Variants in PRKCB observed in about 807,000 individuals in gnomAD.
PRKCB encodes the protein protein kinase C beta type.
Under a neutral mutation model 81.5 loss-of-function variants are expected in PRKCB, and 13 were observed. That is an observed-to-expected ratio of 0.16 (90% CI 0.10 to 0.25). PRKCB has a LOEUF of 0.25. Among genes scored for constraint, PRKCB ranks in the 10% least tolerant of loss-of-function variants. PRKCB has a pLI of 1.00. For missense variants in PRKCB, 509 were observed against 875.7 expected, an observed-to-expected ratio of 0.58 and a Z score of 5.29; for synonymous variants, 335 against 321.4, an observed-to-expected ratio of 1.04 and a Z score of -0.45.
intron 2 of PRKCB, among the ~76,000 whole-genome samples, chr16:23,884,888 C>A (rs9302418): frequency 0.97 from 146,941 of 152,016 alleles, 71,052 homozygotes; most frequent in East Asian, 1. Context: ...TTGGTTCATG[C>A]GATCATTTAG....
At chr16:24,002,240 C>T (rs564082353) in intron 3 of PRKCB, among the ~76,000 whole-genome samples, 1 of 152,222 alleles carries the variant, frequency 6.6e-6, no homozygotes, top group East Asian at 1.9e-4. Context: ...TTTCCTCCAC[C>T]AGGCTAGCTT....
chr16:24,162,074 G>A (rs1040629814), intron 10 of PRKCB, among the ~76,000 whole-genome samples: 8 of 151,906 alleles, frequency 5.3e-5, no homozygotes, highest in Non-Finnish European at 1.5e-5. Context: ...GTCATTGAAG[G>A]ACAGAAGTTA....
chr16:23,918,327 A>T (rs1230817615), intron 2 of PRKCB, among the ~76,000 whole-genome samples: 1 of 152,134 alleles, frequency 6.6e-6, no homozygotes, highest in East Asian at 1.9e-4. Flanking sequence ...AATTTCAGTC[A>T]ACTTCACATG....
At chr16:24,149,249 G>T (rs1441785751) in intron 9 of PRKCB, among the ~76,000 whole-genome samples, 1 of 152,194 alleles carries the variant, frequency 6.6e-6, no homozygotes, top group East Asian at 1.9e-4. Context: ...GCCTGCCCAG[G>T]TTCAGAGACT....
chr16:24,033,318 G>A (rs1682014339), intron 4 of PRKCB, among the ~76,000 whole-genome samples: 1 of 152,204 alleles, frequency 6.6e-6, no homozygotes. Flanking sequence ...AAGACAGACA[G>A]CAAGAAACAC....
intron 3 of PRKCB, among the ~76,000 whole-genome samples, chr16:24,021,504 G>T (rs1054433737): frequency 6.6e-6 from 1 of 151,578 alleles, no homozygotes; most frequent in Non-Finnish European, 1.5e-5. Context: ...CTCTGGTTTG[G>T]GGGTGGCAGG....
intron 2 of PRKCB, among the ~76,000 whole-genome samples, chr16:23,898,144 C>A (rs1481746534): frequency 2.0e-5 from 3 of 151,618 alleles, no homozygotes; most frequent in African/African-American, 7.3e-5. Context: ...CGGTTCACTG[C>A]AAGCTCCGCC....
intron 2 of PRKCB, among the ~76,000 whole-genome samples, chr16:23,945,021 A>G (rs912876295): frequency 3.3e-5 from 5 of 152,088 alleles, no homozygotes; most frequent in African/African-American, 1.2e-4. Context: ...AGAGGAGGCT[A>G]TTGGGGGATG....
chr16:23,950,480 G>C (rs1451366641), intron 2 of PRKCB, among the ~76,000 whole-genome samples: 8 of 152,214 alleles, frequency 5.3e-5, no homozygotes, highest in Non-Finnish European at 1.2e-4. Flanking sequence ...TCTGGAGTCA[G>C]ACAGACCTAA....
At chr16:24,058,160 C>T (rs1054986127) in intron 5 of PRKCB, among the ~76,000 whole-genome samples, 1 of 152,130 alleles carries the variant, frequency 6.6e-6, no homozygotes, top group Non-Finnish European at 1.5e-5. Context: ...GCCAACTTTC[C>T]AGTAGCCTTC....
chr16:24,194,092 T>A (rs1407238508), intron 16 of PRKCB, among the ~76,000 whole-genome samples: 1 of 152,130 alleles, frequency 6.6e-6, no homozygotes, highest in African/African-American at 2.4e-5. Flanking sequence ...TTTGGGAGGC[T>A]GAGCCGGGCA....
intron 9 of PRKCB, among the ~76,000 whole-genome samples, chr16:24,132,212 A>G (rs8062037): frequency 0.018 from 2,739 of 152,206 alleles, 87 homozygotes; most frequent in African/African-American, 0.062. Flanking sequence ...CTCCCAGGTT[A>G]TCAGCAGTCT....
intron 2 of PRKCB, among the ~76,000 whole-genome samples, chr16:23,907,511 T>C (rs187524495): frequency 1.3e-4 from 20 of 152,342 alleles, no homozygotes; most frequent in African/African-American, 4.8e-4. Flanking sequence ...AGCAATCCTC[T>C]TGCCTAGGCC....
intron 2 of PRKCB, among the ~76,000 whole-genome samples, chr16:23,841,132 G>A (rs1249696167): frequency 6.6e-6 from 1 of 152,060 alleles, no homozygotes; most frequent in Non-Finnish European, 1.5e-5. Context: ...AGGCTGCAGT[G>A]CAGTGGCACC....
chr16:24,155,151 G>A (rs1365215761), intron 10 of PRKCB, among the ~76,000 whole-genome samples: 3 of 152,222 alleles, frequency 2.0e-5, no homozygotes, highest in African/African-American at 7.2e-5. Context: ...CAGGAGCTGG[G>A]TGAAAAGGTT....
At chr16:24,125,225 G>A (rs1966841146) in intron 9 of PRKCB, among the ~76,000 whole-genome samples, 1 of 152,212 alleles carries the variant, frequency 6.6e-6, no homozygotes, top group East Asian at 1.9e-4. Context: ...TAGGTCAAGG[G>A]GCTCCCCTGC....
intron 2 of PRKCB, among the ~76,000 whole-genome samples, chr16:23,933,870 ATCCATCC>A (rs1264084697): frequency 2.2e-4 from 30 of 135,908 alleles, no homozygotes; most frequent in African/African-American, 8.8e-4. Context: ...CCATCCATCC[ATCCATCC>A]ATCATCTTGT....
chr16:23,894,485 T>C (rs1049857912), intron 2 of PRKCB, among the ~76,000 whole-genome samples: 7 of 152,214 alleles, frequency 4.6e-5, no homozygotes, highest in Non-Finnish European at 1.0e-4. Context: ...ACTTGATCAC[T>C]GGATATAATC....
chr16:24,092,609 G>C (rs1338508452), intron 5 of PRKCB, among the ~76,000 whole-genome samples, 182 bp from the exon 6 acceptor site: 1 of 152,172 alleles, frequency 6.6e-6, no homozygotes, highest in African/African-American at 2.4e-5. Context: ...ACAGACCAGA[G>C]TTGACATCTT....
Sources: allele counts gnomAD v4.1 joint callset (sites outside exome capture counted in the v4.1 genomes callset), GRCh38; gene constraint gnomAD v4.1.1; transcripts MANE v1.5; gene names NCBI Gene and HGNC (gene_info 2026-07-23, HGNC 2026-07-21).